CAMK1D: variants seen among roughly 807,000 people sequenced by gnomAD.
CAMK1D encodes the protein calcium/calmodulin dependent protein kinase ID, also known as calcium/calmodulin-dependent protein kinase type 1D.
CAMK1D carries 9 observed loss-of-function variants against 47.7 expected under a neutral mutation model. The ratio of observed to expected loss-of-function variants is 0.19; its 90% CI spans 0.11 to 0.33. CAMK1D has a LOEUF of 0.33. Among genes scored for constraint, CAMK1D ranks in the 10% least tolerant of loss-of-function variants. The pLI is 1.00. For synonymous variants in CAMK1D, 184 were observed against 184.9 expected, an observed-to-expected ratio of 0.99 and a Z score of 0.04; for missense variants, 291 against 488.7, an observed-to-expected ratio of 0.60 and a Z score of 3.81.
At chr10:12,729,748 ATGGG>A (rs2130808332) in intron 3 of CAMK1D, among the ~76,000 whole-genome samples, 1 of 152,330 alleles carries the variant, frequency 6.6e-6, no homozygotes, top group African/African-American at 2.4e-5. Flanking sequence ...AAGGAGCCAC[ATGGG>A]TAGAGGTTGC....
intron 2 of CAMK1D, among the ~76,000 whole-genome samples, chr10:12,630,282 CT>C (rs1295929716): frequency 5.9e-5 from 9 of 152,026 alleles, no homozygotes; most frequent in Non-Finnish European, 1.3e-4. Context: ...TTTGTTTCCC[CT>C]TAAATCCCCC....
intron 1 of CAMK1D, among the ~76,000 whole-genome samples, chr10:12,514,901 A>T (rs1450100574): frequency 6.6e-6 from 1 of 152,178 alleles, no homozygotes; most frequent in African/African-American, 2.4e-5. Context: ...CCCAGGCTGG[A>T]ACGCAGTGGT....
At chr10:12,377,226 G>T (rs559377200) in intron 1 of CAMK1D, among the ~76,000 whole-genome samples, 1 of 152,050 alleles carries the variant, frequency 6.6e-6, no homozygotes, top group African/African-American at 2.4e-5. Context: ...TCTTCCCAGT[G>T]TTCTGGCAAA....
intron 1 of CAMK1D, among the ~76,000 whole-genome samples, chr10:12,433,721 C>T (rs1243115397): frequency 3.3e-5 from 5 of 152,210 alleles, no homozygotes; most frequent in South Asian, 2.1e-4. Context: ...AGCATTTTTG[C>T]AGTAACATTG....
At chr10:12,767,263 C>T (rs1274542802) in intron 4 of CAMK1D, among the ~76,000 whole-genome samples, 2 of 152,112 alleles carry the variant, frequency 1.3e-5, no homozygotes, top group Admixed American at 1.3e-4. Flanking sequence ...CTGCAACCTG[C>T]GCCTCCCAGG....
At chr10:12,760,815 A>C in intron 3 of CAMK1D, 133 bp from the exon 4 acceptor site, 2 of 890,980 alleles carry the variant, frequency 2.2e-6, no homozygotes, top group Non-Finnish European at 3.5e-6. Flanking sequence ...CCTCTGAGGA[A>C]TAGGGGGGCA....
chr10:12,556,192 T>C (rs1836756256), intron 2 of CAMK1D, among the ~76,000 whole-genome samples: 1 of 152,168 alleles, frequency 6.6e-6, no homozygotes, highest in South Asian at 2.1e-4. Context: ...AAGAGGCAGT[T>C]CCACATCATG....
At chr10:12,753,205 T>C (rs1354416344) in intron 3 of CAMK1D, among the ~76,000 whole-genome samples, 1 of 152,204 alleles carries the variant, frequency 6.6e-6, no homozygotes, top group Non-Finnish European at 1.5e-5. Flanking sequence ...TGAGCAGAGA[T>C]CGTGCCACTG....
At chr10:12,372,136 G>A (rs1404958169) in intron 1 of CAMK1D, among the ~76,000 whole-genome samples, 1 of 152,164 alleles carries the variant, frequency 6.6e-6, no homozygotes, top group Non-Finnish European at 1.5e-5. Flanking sequence ...GCCTAGGTGT[G>A]TAGTAGGCCA....
intron 1 of CAMK1D, among the ~76,000 whole-genome samples, chr10:12,398,916 G>A (rs1023628090): frequency 1.4e-4 from 22 of 152,106 alleles, no homozygotes; most frequent in African/African-American, 5.3e-4. Context: ...GAAACCAGAT[G>A]TAACTGAGTA....
chr10:12,456,244 T>G (rs188718301), intron 1 of CAMK1D, among the ~76,000 whole-genome samples: 2 of 152,356 alleles, frequency 1.3e-5, no homozygotes, highest in Admixed American at 6.5e-5. Flanking sequence ...ATTGTGTGTC[T>G]TGTGATGAGA....
intron 1 of CAMK1D, among the ~76,000 whole-genome samples, chr10:12,419,640 G>GCACACA (rs111807347): frequency 0.016 from 2,310 of 147,172 alleles, 43 homozygotes; most frequent in African/African-American, 0.042. Context: ...AAGAGAAAAT[G>GCACACA]CACACACACA....
intron 3 of CAMK1D, among the ~76,000 whole-genome samples, chr10:12,678,309 T>C (rs566058109): frequency 6.6e-6 from 1 of 152,358 alleles, no homozygotes; most frequent in East Asian, 1.9e-4. Flanking sequence ...GTTTTCCTTC[T>C]ACAGTTGATT....
chr10:12,807,735 G>A (rs1160735975), intron 6 of CAMK1D, among the ~76,000 whole-genome samples: 1 of 152,168 alleles, frequency 6.6e-6, no homozygotes, highest in African/African-American at 2.4e-5. Flanking sequence ...GGCCTTCACT[G>A]GTTACACCGT....
chr10:12,526,556 A>G (rs553139643), intron 1 of CAMK1D, among the ~76,000 whole-genome samples: 1 of 152,218 alleles, frequency 6.6e-6, no homozygotes, highest in Admixed American at 6.5e-5. Context: ...CACATACGTG[A>G]TTTTGCTATT....
At chr10:12,757,102 C>G (rs1836264969) in intron 3 of CAMK1D, among the ~76,000 whole-genome samples, 1 of 152,150 alleles carries the variant, frequency 6.6e-6, no homozygotes, top group East Asian at 1.9e-4. Flanking sequence ...GAAGCTGAGC[C>G]TCTCTCCTAA....
At chr10:12,596,825 C>T (rs939683125) in intron 2 of CAMK1D, among the ~76,000 whole-genome samples, 1 of 152,024 alleles carries the variant, frequency 6.6e-6, no homozygotes, top group Non-Finnish European at 1.5e-5. Flanking sequence ...TTCCCACCCA[C>T]ATTTTTTTTT....
intron 3 of CAMK1D, among the ~76,000 whole-genome samples, chr10:12,703,521 G>A (rs138239551): frequency 1.5e-3 from 227 of 152,270 alleles, no homozygotes; most frequent in African/African-American, 5.0e-3. Flanking sequence ...CATAGTTAAC[G>A]GCTCTGTCAA....
intron 3 of CAMK1D, among the ~76,000 whole-genome samples, chr10:12,681,301 C>G (rs1030059834): frequency 4.6e-5 from 7 of 152,268 alleles, no homozygotes; most frequent in African/African-American, 1.7e-4. Flanking sequence ...GCTTTGAGAA[C>G]TGCTAGTGCC....
Sources: gnomAD v4.1 joint callset for allele counts (sites outside exome capture counted in the v4.1 genomes callset) on GRCh38, gnomAD v4.1.1 for gene constraint, MANE v1.5 for transcripts, NCBI Gene and HGNC (gene_info 2026-07-23, HGNC 2026-07-21) for gene names.